The following FGF12 variants were observed in gnomAD, a reference collection of about 807,000 sequenced individuals.
FGF12 encodes fibroblast growth factor 12, also known as fibroblast growth factor 12B.
Under a neutral mutation model 23.6 loss-of-function variants are expected in FGF12, and 14 were observed. That is an observed-to-expected ratio of 0.59 (90% CI 0.39 to 0.93). The LOEUF is 0.93. Ranked by LOEUF, FGF12 falls within the 40% of genes least tolerant of loss-of-function variation. The pLI is 0.00. For missense variants in FGF12, 175 were observed against 217.8 expected (o/e 0.80, Z 1.24); for synonymous variants, 62 against 77.3 (o/e 0.80, Z 1.04).
intron 4 of FGF12, among the ~76,000 whole-genome samples, chr3:192,318,553 G>C (rs140554358): frequency 6.6e-6 from 1 of 151,988 alleles, no homozygotes; most frequent in Non-Finnish European, 1.5e-5. Context: ...ATAGAAAAAA[G>C]AATTTTAAAA....
At chr3:192,240,541 G>A (rs565674317) in intron 4 of FGF12, among the ~76,000 whole-genome samples, 4 of 152,262 alleles carry the variant, frequency 2.6e-5, no homozygotes, top group African/African-American at 9.6e-5. Flanking sequence ...GAAATAAAAA[G>A]ACATCAGAAG....
At chr3:192,531,797 A>G (rs1410463397) in intron 2 of FGF12, among the ~76,000 whole-genome samples, 1 of 152,202 alleles carries the variant, frequency 6.6e-6, no homozygotes, top group East Asian at 1.9e-4. Context: ...CCTTGAGTTG[A>G]GGAATATAAG....
intron 4 of FGF12, among the ~76,000 whole-genome samples, chr3:192,331,448 A>G (rs1717118223): frequency 6.6e-6 from 1 of 152,236 alleles, no homozygotes; most frequent in African/African-American, 2.4e-5. Flanking sequence ...AATGTCCATC[A>G]GTAGATGAAT....
chr3:192,674,471 A>G (rs905672946), intron 2 of FGF12, among the ~76,000 whole-genome samples: 4 of 152,208 alleles, frequency 2.6e-5, no homozygotes, highest in Admixed American at 2.6e-4. Context: ...AGAGACCTGC[A>G]TAAGGCCCAT....
In FGF12 at chr3:192,474,587, G is replaced by A. The variant is rs556630518; in HGVS notation, c.14-114049C>T. Among the ~76,000 whole-genome samples the A allele has an allele frequency of 1.1e-3, 162 of 152,182 alleles. 1 individual carries two copies. The highest frequency in any genetic ancestry group is 3.7e-3 in the African/African-American group (154 of 41,520). ...AGTAAACTGCAGCCATGCCCAAAAGGTATAAAGAAAAAGGAAGGCCAGGTA... is the reference window on the plus strand; with the variant it reads ...AGTAAACTGCAGCCATGCCCAAAAGATATAAAGAAAAAGGAAGGCCAGGTA... On this transcript the variant is annotated intron_variant, in intron 2 of 5. Coordinates refer to ENST00000445105, the MANE Select transcript of FGF12 (RefSeq NM_004113.6).
At chr3:192,254,910 CAT>C (rs1209703962) in intron 4 of FGF12, among the ~76,000 whole-genome samples, 1 of 151,944 alleles carries the variant, frequency 6.6e-6, no homozygotes, top group East Asian at 1.9e-4. Context: ...CATTAGGTAA[CAT>C]TATATAATTT....
Position 192,144,095 on chromosome 3 carries a change from T to C in FGF12, c.460A>G (p.Ile154Val). The C allele has an allele frequency of 1.2e-6, 2 of 1,613,620 alleles. No homozygotes were observed. Among genetic ancestry groups the C allele is most frequent in the East Asian group, 4.5e-5 (2 of 44,846 alleles). The change falls in exon 6 of 6, where the codon ATT becomes GTT. Residue 154 changes from isoleucine (I) to valine (V), a missense_variant. By Grantham distance (29) the Ile-to-Val change is conservative. Coordinates refer to ENST00000445105, the MANE Select transcript of FGF12 (RefSeq NM_004113.6). ...CTTGAACGCCCTTGTTTTTCTCCAA[T>C]TTCATGTAGCGATGGTTCTCTGTAC... ...CMYREPSLHE[I>V]GEKQGRSRKS...
At chr3:192,402,956 G>A (rs1414305527) in intron 2 of FGF12, among the ~76,000 whole-genome samples, 1 of 152,078 alleles carries the variant, frequency 6.6e-6, no homozygotes, top group African/African-American at 2.4e-5. Context: ...AGCATATCAA[G>A]CGTGTCCTCT....
intron 2 of FGF12, among the ~76,000 whole-genome samples, chr3:192,686,876 T>A (rs920482643): frequency 2.0e-4 from 25 of 127,520 alleles, no homozygotes; most frequent in Non-Finnish European, 3.6e-4. Flanking sequence ...TCACACAGGC[T>A]GGAGTGCAGT....
intron 2 of FGF12, among the ~76,000 whole-genome samples, chr3:192,680,924 G>A (rs560612949): frequency 1.4e-3 from 212 of 152,274 alleles, no homozygotes; most frequent in Middle Eastern, 3.4e-3. Flanking sequence ...ATAGTTGGAA[G>A]CTACTCTAAA....
At chr3:192,644,489 A>G (rs1276584222) in intron 2 of FGF12, among the ~76,000 whole-genome samples, 1 of 152,146 alleles carries the variant, frequency 6.6e-6, no homozygotes, top group South Asian at 2.1e-4. Flanking sequence ...CACCAACAAC[A>G]AAGTTAATTT....
chr3:192,245,286 T>G (rs543898999), intron 4 of FGF12, among the ~76,000 whole-genome samples: 1 of 150,396 alleles, frequency 6.6e-6, no homozygotes, highest in South Asian at 2.1e-4. Flanking sequence ...ATTTATTTAT[T>G]TATTTATTTT....
chr3:192,431,789 C>T (rs192679455), intron 2 of FGF12, among the ~76,000 whole-genome samples: 1 of 152,304 alleles, frequency 6.6e-6, no homozygotes, highest in East Asian at 1.9e-4. Flanking sequence ...CATGTCAAAT[C>T]AGCCTAACTT....
Position 192,424,865 on chromosome 3 carries a change from GTCT to G in FGF12, c.14-64330_14-64328del, listed in dbSNP as rs553985207. ...GGCCATGTTTTTTATCCCTTCACCAGTCTTCTTGCCTCAGCATTTTATAATTTT... is the reference window on the plus strand; with the variant it reads ...GGCCATGTTTTTTATCCCTTCACCAGTCTTGCCTCAGCATTTTATAATTTT... On this transcript the variant is annotated intron_variant, in intron 2 of 5. Transcript: ENST00000445105. 1.4e-4 allele frequency among the ~76,000 whole-genome samples: 21 copies of G among 151,958 alleles called. No homozygotes were observed. In the South Asian group the frequency reaches 4.4e-3, roughly 32 times the overall value.
chr3:192,378,105 C>CTTT (rs61011861), intron 2 of FGF12, among the ~76,000 whole-genome samples: 5,959 of 91,940 alleles, frequency 0.065, 647 homozygotes, highest in East Asian at 0.099. Context: ...TTCTTTCTTT[C>CTTT]CTTCTTTCTC....
chr3:192,597,920 T>C (rs554568478), intron 2 of FGF12, among the ~76,000 whole-genome samples: 6 of 152,350 alleles, frequency 3.9e-5, no homozygotes, highest in African/African-American at 1.4e-4. Context: ...TCAAAATTCA[T>C]TTTCCCTTGT....
At chr3:192,624,195 A>AT (rs770239598) in intron 2 of FGF12, among the ~76,000 whole-genome samples, 26 of 152,066 alleles carry the variant, frequency 1.7e-4, no homozygotes, top group Non-Finnish European at 2.8e-4. Context: ...AATCTCTTAG[A>AT]TAAAAAAAAA....
intron 3 of FGF12, among the ~76,000 whole-genome samples, chr3:192,351,808 T>C (rs1036404049): frequency 1.3e-5 from 2 of 151,928 alleles, no homozygotes; most frequent in African/African-American, 4.8e-5. Flanking sequence ...GTGAAGTGAG[T>C]GAGCGTGGGG....
chr3:192,350,893 C>G (rs1469991272), intron 3 of FGF12, among the ~76,000 whole-genome samples: 1 of 152,132 alleles, frequency 6.6e-6, no homozygotes, highest in Non-Finnish European at 1.5e-5. Flanking sequence ...GGAAAATAGG[C>G]TGATGCGGGG....
Sources: allele counts gnomAD v4.1 joint callset (sites outside exome capture counted in the v4.1 genomes callset), GRCh38; gene constraint gnomAD v4.1.1; transcripts MANE v1.5; gene names NCBI Gene and HGNC (gene_info 2026-07-23, HGNC 2026-07-21).